Variants in PIP5K1B observed in about 807,000 individuals in gnomAD.
The protein encoded by PIP5K1B is phosphatidylinositol-4-phosphate 5-kinase type 1 beta, also known as phosphatidylinositol 4-phosphate 5-kinase type-1 beta.
A neutral mutation model predicts 67.0 loss-of-function variants in PIP5K1B; 42 were observed. The ratio of observed to expected loss-of-function variants is 0.63; its 90% CI spans 0.49 to 0.81. PIP5K1B has a LOEUF of 0.81. Among genes scored for constraint, PIP5K1B ranks in the 30% least tolerant of loss-of-function variants. The pLI, the probability that PIP5K1B is intolerant of heterozygous loss-of-function variation, is 0.00. For missense variants in PIP5K1B, 459 were observed against 646.3 expected (o/e 0.71, Z 3.14); for synonymous variants, 214 against 231.4 (o/e 0.92, Z 0.68).
chr9:68,946,969 T>G (rs548361255), intron 14 of PIP5K1B, among the ~76,000 whole-genome samples: 1 of 152,324 alleles, frequency 6.6e-6, no homozygotes, highest in African/African-American at 2.4e-5. Context: ...TAGAAAGCAT[T>G]TATACCTTGT....
At chr9:68,831,635 A>G (rs535416569) in intron 4 of PIP5K1B, among the ~76,000 whole-genome samples, 132 of 152,342 alleles carry the variant, frequency 8.7e-4, no homozygotes, top group Middle Eastern at 6.8e-3. Context: ...GGGGTCAGTA[A>G]GATAAACTCA....
intron 6 of PIP5K1B, among the ~76,000 whole-genome samples, chr9:68,882,397 G>T (rs1479621398): frequency 6.6e-6 from 1 of 152,112 alleles, no homozygotes; most frequent in Non-Finnish European, 1.5e-5. Flanking sequence ...CCCCCAAAGG[G>T]TTATTAAAGT....
intron 1 of PIP5K1B, among the ~76,000 whole-genome samples, chr9:68,733,917 C>T (rs1016936083): frequency 6.6e-6 from 1 of 152,056 alleles, no homozygotes; most frequent in South Asian, 2.1e-4. Flanking sequence ...GGATTACAGG[C>T]GTGAGCCACT....
chr9:68,834,011 C>T (rs1445144361), intron 4 of PIP5K1B, among the ~76,000 whole-genome samples: 1 of 152,184 alleles, frequency 6.6e-6, no homozygotes, highest in Non-Finnish European at 1.5e-5. Flanking sequence ...AGAAGAGAGG[C>T]CTCAGGAAGG....
intron 5 of PIP5K1B, among the ~76,000 whole-genome samples, chr9:68,870,641 C>A (rs1482188917): frequency 6.6e-6 from 1 of 152,180 alleles, no homozygotes; most frequent in Non-Finnish European, 1.5e-5. Context: ...GACTGGGTAC[C>A]ATCAGTAGTT....
intron 6 of PIP5K1B, among the ~76,000 whole-genome samples, chr9:68,879,869 G>A (rs963721925): frequency 2.6e-5 from 4 of 152,130 alleles, no homozygotes; most frequent in South Asian, 2.1e-4. Flanking sequence ...TGATGAATAT[G>A]TGAGGTAAAT....
chr9:68,993,910 T>G (rs956397410), intron 15 of PIP5K1B, among the ~76,000 whole-genome samples: 1 of 152,116 alleles, frequency 6.6e-6, no homozygotes, highest in Admixed American at 6.6e-5. Flanking sequence ...ACCATAAATA[T>G]AAGTCTCACG....
At chr9:68,861,593 C>T (rs561866062) in intron 4 of PIP5K1B, among the ~76,000 whole-genome samples, 3 of 152,072 alleles carry the variant, frequency 2.0e-5, no homozygotes, top group South Asian at 4.2e-4. Context: ...GTCAGGGGTG[C>T]GGTGCGGGGG....
At chr9:68,864,229 G>A (rs970267685) in intron 5 of PIP5K1B, among the ~76,000 whole-genome samples, 1 of 152,184 alleles carries the variant, frequency 6.6e-6, no homozygotes, top group African/African-American at 2.4e-5. Context: ...AAGACCATAT[G>A]GAGAAAGATT....
intron 2 of PIP5K1B, among the ~76,000 whole-genome samples, chr9:68,764,942 T>A (rs529523723): frequency 2.0e-5 from 3 of 152,020 alleles, no homozygotes; most frequent in South Asian, 2.1e-4. Context: ...ATTTTTATTT[T>A]AAAAAAAAGT....
intron 2 of PIP5K1B, among the ~76,000 whole-genome samples, chr9:68,809,646 C>G (rs943711031): frequency 2.6e-5 from 4 of 152,166 alleles, no homozygotes; most frequent in African/African-American, 9.6e-5. Flanking sequence ...ATTTAAATAC[C>G]CTTCACGGTG....
intron 15 of PIP5K1B, among the ~76,000 whole-genome samples, chr9:68,999,755 C>T (rs1830736308): frequency 6.6e-6 from 1 of 152,206 alleles, no homozygotes; most frequent in African/African-American, 2.4e-5. Context: ...GCTCCTACAC[C>T]CTCAAGTTTA....
rs183186734 is a variant in PIP5K1B at position 68,863,058 on chromosome 9, G to A, written c.70-779G>A. Among the ~76,000 whole-genome samples the A allele has an allele frequency of 1.8e-3, 271 of 152,246 alleles. 2 individuals are homozygous for A. Among genetic ancestry groups the A allele is most frequent in the Admixed American group, 1.2e-3 (18 of 15,294 alleles). Reference sequence around the variant, plus strand: ...AATGATCTTTATTACATCCATTCATGTCAGGGTTTCTTAACCTGAGCATTA... The same window carrying A: ...AATGATCTTTATTACATCCATTCATATCAGGGTTTCTTAACCTGAGCATTA... On this transcript the variant is annotated intron_variant, in intron 4 of 15. Transcript: ENST00000265382.
At chr9:68,841,730 G>A (rs997241032) in intron 4 of PIP5K1B, among the ~76,000 whole-genome samples, 1 of 152,154 alleles carries the variant, frequency 6.6e-6, no homozygotes, top group Non-Finnish European at 1.5e-5. Context: ...AATATTCTGT[G>A]TGTTTTTTGC....
At chr9:68,993,035 G>C (rs1830449312) in intron 15 of PIP5K1B, among the ~76,000 whole-genome samples, 1 of 151,584 alleles carries the variant, frequency 6.6e-6, no homozygotes, top group South Asian at 2.1e-4. Flanking sequence ...GGTGGCAGGC[G>C]CCTGTAGTCC....
At chr9:68,970,718 T>C (rs74512372) in intron 14 of PIP5K1B, among the ~76,000 whole-genome samples, 3,017 of 152,330 alleles carry the variant, frequency 0.02, 98 homozygotes, top group African/African-American at 0.068. Flanking sequence ...AGAAATCACA[T>C]ATAAACATAT....
At chr9:68,979,064 T>G (rs1179277884) in intron 14 of PIP5K1B, among the ~76,000 whole-genome samples, 1 of 152,230 alleles carries the variant, frequency 6.6e-6, no homozygotes, top group Non-Finnish European at 1.5e-5. Flanking sequence ...AGAAATAGAT[T>G]TGTCATTGGG....
Position 68,751,312 on chromosome 9 carries a change from T to A in PIP5K1B, c.-86+8655T>A, listed in dbSNP as rs547423153. 2.0e-3 allele frequency among the ~76,000 whole-genome samples: 311 copies of A among 152,366 alleles called. 3 individuals carry two copies. The highest frequency in any genetic ancestry group is 7.2e-3 in the African/African-American group (298 of 41,586). On this transcript the variant is annotated intron_variant, in intron 2 of 15. Coordinates refer to ENST00000265382, the MANE Select transcript of PIP5K1B (RefSeq NM_003558.4). The stretch of plus-strand genomic sequence containing the variant: ...ATATTTCTAAGGTACTATGTAAATA[T>A]TCATGGCACTTGTCATTTCTTTCTA...
intron 5 of PIP5K1B, among the ~76,000 whole-genome samples, chr9:68,872,502 T>C (rs1823676870): frequency 6.6e-6 from 1 of 152,268 alleles, no homozygotes; most frequent in African/African-American, 2.4e-5. Flanking sequence ...AATCAGTTTA[T>C]GGCTTTTAAC....
Sources: allele counts gnomAD v4.1 joint callset (sites outside exome capture counted in the v4.1 genomes callset), GRCh38; gene constraint gnomAD v4.1.1; transcripts MANE v1.5; gene names NCBI Gene and HGNC (gene_info 2026-07-23, HGNC 2026-07-21).